The following NTN1 variants were observed in gnomAD, a reference collection of about 807,000 sequenced individuals.
The protein encoded by NTN1 is netrin-1.
Under a neutral mutation model 54.2 loss-of-function variants are expected in NTN1, and 11 were observed. The observed-to-expected ratio is 0.20, with a 90% CI of 0.13 to 0.34. The LOEUF is 0.34. NTN1 is among the 10% of genes least tolerant of loss of function. The probability of loss-of-function intolerance (pLI) is 1.00; values close to 1 mark genes in which losing one functional copy is unlikely to be tolerated. For missense variants in NTN1, 740 were observed against 893.1 expected, an observed-to-expected ratio of 0.83 and a Z score of 2.18; for synonymous variants, 371 against 382.0, an observed-to-expected ratio of 0.97 and a Z score of 0.33.
the NTN1 span, among the ~76,000 whole-genome samples, chr17:9,006,594 C>T: frequency 1.3e-5 from 2 of 152,102 alleles, no homozygotes; most frequent in Non-Finnish European, 2.9e-5. Flanking sequence ...TAGGGCCAAG[C>T]CAACATGACG....
intron 5 of NTN1, chr17:9,183,500 C>T: frequency 2.7e-6 from 1 of 364,160 alleles, no homozygotes; most frequent in East Asian, 7.8e-5. Flanking sequence ...GCCAAGCCTG[C>T]ACCGTGGTCA....
At chr17:9,191,859 C>T (rs1396475602) in intron 5 of NTN1, among the ~76,000 whole-genome samples, 4 of 104,838 alleles carry the variant, frequency 3.8e-5, no homozygotes, top group Admixed American at 2.5e-4. Context: ...GAGACCTTAT[C>T]GCTACTAAAA....
At chr17:9,060,777 A>C (rs746930195) in intron 2 of NTN1, among the ~76,000 whole-genome samples, 1 of 152,116 alleles carries the variant, frequency 6.6e-6, no homozygotes, top group Non-Finnish European at 1.5e-5. Context: ...AGAGATCGAG[A>C]CCATCCTGGC....
chr17:9,194,662 C>T (rs111688624), intron 5 of NTN1, among the ~76,000 whole-genome samples: 11 of 151,974 alleles, frequency 7.2e-5, no homozygotes, highest in Non-Finnish European at 1.5e-4. Flanking sequence ...ATTAAGTGTC[C>T]CTTGGGGGAC....
In NTN1 at chr17:9,081,455, G is replaced by A. The variant is rs73973299; in HGVS notation, c.1018+58064G>A. 5.2e-3 allele frequency among the ~76,000 whole-genome samples: 796 copies of A among 152,230 alleles called. 7 individuals carry two copies. The highest frequency in any genetic ancestry group is 0.017 in the African/African-American group (719 of 41,542). On this transcript the variant is annotated intron_variant, in intron 2 of 6. Transcript: ENST00000173229. Reference sequence around the variant, plus strand: ...CCCATGTGATGTTCCATTTGCACCTGTTTCATTCCATTTATCACCAACACC... The same window carrying A: ...CCCATGTGATGTTCCATTTGCACCTATTTCATTCCATTTATCACCAACACC...
chr17:9,092,478 C>T (rs893879835), intron 2 of NTN1, among the ~76,000 whole-genome samples: 12 of 151,650 alleles, frequency 7.9e-5, no homozygotes, highest in African/African-American at 2.9e-4. Context: ...TTAGTAGAGA[C>T]AGGGTTTCAT....
At chr17:9,110,825 G>A (rs543946320) in intron 2 of NTN1, among the ~76,000 whole-genome samples, 2 of 151,844 alleles carry the variant, frequency 1.3e-5, no homozygotes, top group African/African-American at 4.8e-5. Flanking sequence ...GCATCATTCC[G>A]GCCTCTGCCT....
intron 5 of NTN1, chr17:9,183,360 C>T (rs928064850): frequency 2.0e-5 from 10 of 496,268 alleles, no homozygotes; most frequent in South Asian, 4.7e-5. Context: ...GGCACAGGGT[C>T]GCACAAGCAG....
At chr17:9,189,917 C>G (rs1207050141) in intron 5 of NTN1, among the ~76,000 whole-genome samples, 1 of 152,198 alleles carries the variant, frequency 6.6e-6, no homozygotes, top group Non-Finnish European at 1.5e-5. Flanking sequence ...AGCTCAGACC[C>G]TTGGGTCACA....
chr17:9,131,765 A>G (rs989641795), intron 2 of NTN1, among the ~76,000 whole-genome samples: 8 of 150,844 alleles, frequency 5.3e-5, no homozygotes, highest in African/African-American at 2.0e-4. Context: ...TATTTTTAGT[A>G]GAGACAGGGT....
chr17:9,044,224 G>T (rs2091933284), intron 2 of NTN1, among the ~76,000 whole-genome samples: 1 of 115,168 alleles, frequency 8.7e-6, no homozygotes, highest in African/African-American at 3.5e-5. Flanking sequence ...TTTTTTTGCT[G>T]TTTCCGGTAC....
chr17:9,086,741 C>G (rs965944652), intron 2 of NTN1, among the ~76,000 whole-genome samples: 1 of 152,168 alleles, frequency 6.6e-6, no homozygotes, highest in Admixed American at 6.5e-5. Flanking sequence ...TTGCCATCAT[C>G]ATGCTGTCAT....
At chr17:9,223,789 C>T (rs984784099) in intron 6 of NTN1, among the ~76,000 whole-genome samples, 1 of 152,140 alleles carries the variant, frequency 6.6e-6, no homozygotes, top group Non-Finnish European at 1.5e-5. Flanking sequence ...CCTAGCAAAG[C>T]GGTGGGCCCA....
intron 2 of NTN1, among the ~76,000 whole-genome samples, chr17:9,132,777 G>A (rs1280607925): frequency 6.6e-6 from 1 of 152,156 alleles, no homozygotes; most frequent in East Asian, 1.9e-4. Flanking sequence ...AGGAGGCTGA[G>A]GCAGGAGATT....
At chr17:9,102,116 G>T (rs4791780) in intron 2 of NTN1, among the ~76,000 whole-genome samples, 80,974 of 152,158 alleles carry the variant, frequency 0.53, 22,314 homozygotes, top group East Asian at 0.95. Context: ...AAAAGACAAA[G>T]AATATCAGGT....
At chr17:9,099,532 A>G (rs2140901) in intron 2 of NTN1, among the ~76,000 whole-genome samples, 68,847 of 151,616 alleles carry the variant, frequency 0.45, 17,460 homozygotes, top group East Asian at 0.95. Flanking sequence ...CTTCCTTCCT[A>G]CCTACCTATA....
intron 6 of NTN1, among the ~76,000 whole-genome samples, chr17:9,233,309 G>C (rs1312793773): frequency 6.6e-6 from 1 of 152,050 alleles, no homozygotes; most frequent in Non-Finnish European, 1.5e-5. Flanking sequence ...GTTTATTCGG[G>C]GCTGGGCCTT....
chr17:9,213,017 G>A (rs1905145024), intron 5 of NTN1, among the ~76,000 whole-genome samples: 2 of 152,260 alleles, frequency 1.3e-5, no homozygotes, highest in African/African-American at 4.8e-5. Context: ...AGCTACCCAA[G>A]GTGGAGGAAG....
chr17:9,230,719 C>T (rs768907450), intron 6 of NTN1, among the ~76,000 whole-genome samples: 75 of 152,308 alleles, frequency 4.9e-4, no homozygotes, highest in African/African-American at 1.5e-3. Context: ...CTTGCCATCC[C>T]GCAGAGCGGG....
Sources: gnomAD v4.1 joint callset for allele counts (sites outside exome capture counted in the v4.1 genomes callset) on GRCh38, gnomAD v4.1.1 for gene constraint, MANE v1.5 for transcripts, NCBI Gene and HGNC (gene_info 2026-07-23, HGNC 2026-07-21) for gene names.